Variants in RRM2 observed in about 807,000 individuals in gnomAD.
RRM2 encodes ribonucleotide reductase regulatory subunit M2.
A neutral mutation model predicts 45.9 loss-of-function variants in RRM2; 6 were observed. The ratio of observed to expected loss-of-function variants is 0.13; its 90% confidence interval spans 0.07 to 0.26. The LOEUF (loss-of-function observed/expected upper bound fraction) is 0.26, where lower values mean the gene tolerates loss of function less well. RRM2 is among the 10% of genes least tolerant of loss of function. The pLI, the probability that RRM2 is intolerant of heterozygous loss-of-function variation, is 1.00. For missense variants in RRM2, 343 were observed against 489.5 expected (o/e 0.70, Z 2.82); for synonymous variants, 177 against 173.0 (o/e 1.02, Z -0.18).
chr2:10,154,884 C>T (rs1663394669), intron 3 of RRM2, among the ~76,000 whole-genome samples: 2 of 151,870 alleles, frequency 1.3e-5, no homozygotes, highest in South Asian at 4.2e-4. Context: ...TTAGTAGAGA[C>T]GTGGTTTCTC....
intron 3 of RRM2, among the ~76,000 whole-genome samples, chr2:10,147,801 T>G (rs1663220638): frequency 6.6e-6 from 1 of 152,210 alleles, no homozygotes; most frequent in African/African-American, 2.4e-5. Context: ...TATACCTCTA[T>G]GCTATCTTTT....
intron 3 of RRM2, among the ~76,000 whole-genome samples, chr2:10,145,259 G>A (rs1663164995): frequency 1.3e-5 from 2 of 152,116 alleles, no homozygotes; most frequent in African/African-American, 2.4e-5. Flanking sequence ...GTGCTGAGGG[G>A]TCTGAAGTCC....
In RRM2 at chr2:10,195,889, C is replaced by G. The variant is rs1664404827; in HGVS notation, n.483-14422C>G. Among the ~76,000 whole-genome samples, 1 of 152,190 alleles carries G rather than the reference C, an allele frequency of 6.6e-6. No individual in the cohort carries two copies. Among genetic ancestry groups the G allele is most frequent in the Non-Finnish European group, 1.5e-5 (1 of 68,034 alleles). ...TTCCTGCTTGGACAAGACAGAGACT[C>G]ACACGAGGAAATTCCTTTTGTTCCT... On this transcript the variant is annotated intron_variant and non_coding_transcript_variant, in intron 3 of 3. Coordinates refer to the RRM2 transcript ENST00000381786. This position sits in a 1 kb window ranked among gnomAD's most constrained non-coding sequence, Gnocchi z 4.9.
At position 10,127,960 on chromosome 2, in the gene RRM2, A is replaced by G. The variant is rs779641252; in HGVS notation, c.798+740A>G. On this transcript the variant is annotated intron_variant, in intron 7 of 9. Transcript: ENST00000304567. The surrounding 1 kb of genome is among the most constrained non-coding windows in gnomAD (Gnocchi z 4.1). ...GGCGGGTGGATCATGAGGTCAGGAGATTGAGACCATCCTGGCTAACACGGT... is the reference window on the plus strand; with the variant it reads ...GGCGGGTGGATCATGAGGTCAGGAGGTTGAGACCATCCTGGCTAACACGGT... Among the ~76,000 whole-genome samples, 3 of 151,644 alleles carry G rather than the reference A, an allele frequency of 2.0e-5. No homozygotes were observed. The highest frequency in any genetic ancestry group is 4.8e-5 in the African/African-American group (2 of 41,308).
intron 3 of RRM2, among the ~76,000 whole-genome samples, chr2:10,157,314 G>A (rs1046601438): frequency 6.6e-6 from 1 of 152,196 alleles, no homozygotes; most frequent in African/African-American, 2.4e-5. Context: ...ACAGGAGTCA[G>A]CCACTGCAAC....
intron 3 of RRM2, among the ~76,000 whole-genome samples, chr2:10,176,264 C>T (rs1663911590): frequency 6.6e-6 from 1 of 152,056 alleles, no homozygotes; most frequent in Non-Finnish European, 1.5e-5. Flanking sequence ...GGTAATTCTA[C>T]TTCTAATTTT....
chr2:10,199,291 G>C (rs984920909), intron 3 of RRM2: 18 of 136,466 alleles, frequency 1.3e-4, no homozygotes, highest in South Asian at 2.7e-4. Flanking sequence ...AAAAAAAAGG[G>C]GGGGGGGAAG....
chr2:10,158,353 G>A (rs934700040), intron 3 of RRM2, among the ~76,000 whole-genome samples: 1 of 152,174 alleles, frequency 6.6e-6, no homozygotes, highest in East Asian at 1.9e-4. Context: ...CATGTAGCCT[G>A]TAAGTGGCCT....
chr2:10,129,479 A>G lies in RRM2; in HGVS notation c.*93A>G, dbSNP rs1179201192. On this transcript the variant is annotated 3_prime_UTR_variant, in exon 10 of 10. Transcript: ENST00000304567. The surrounding 1 kb of genome is among the most constrained non-coding windows in gnomAD (Gnocchi z 4.8). The stretch of plus-strand genomic sequence containing the variant: ...GTGTTACCAACTAGCCACACCATGA[A>G]TTGTCCGTAATGTTCATTAACAGCA... 6 of 1,264,482 alleles carry G rather than the reference A, an allele frequency of 4.7e-6. No homozygotes were observed. Among genetic ancestry groups the G allele is most frequent in the Non-Finnish European group, 6.7e-6 (6 of 901,478 alleles). 78.3% of individuals were successfully genotyped at this position (1,264,482 alleles called of 1,614,324 possible).
intron 3 of RRM2, among the ~76,000 whole-genome samples, chr2:10,150,265 G>T (rs2125314785): frequency 6.6e-6 from 1 of 152,234 alleles, no homozygotes. Flanking sequence ...GGCTAACACG[G>T]TGAAACCCCA....
rs1044599335 is a variant in RRM2 at position 10,129,754 on chromosome 2, A to T, written c.*368A>T. ...CGCAGATTTTAATGTTTACTTAAATATAAACCTGGCACTTTACAAACAAAT... is the reference window on the plus strand; with the variant it reads ...CGCAGATTTTAATGTTTACTTAAATTTAAACCTGGCACTTTACAAACAAAT... On this transcript the variant is annotated 3_prime_UTR_variant, in exon 10 of 10. Transcript: ENST00000304567. The surrounding 1 kb of genome is among the most constrained non-coding windows in gnomAD (Gnocchi z 4.8). The T allele has an allele frequency of 1.2e-4, 23 of 184,932 alleles. No individual in the cohort carries two copies. Among genetic ancestry groups the T allele is most frequent in the Admixed American group, 5.3e-4 (9 of 17,092 alleles). 11.5% of individuals were successfully genotyped at this position (184,932 alleles called of 1,614,324 possible).
In RRM2 at chr2:10,126,162, TAAAAAAAAAAAAAA is replaced by T. The variant is rs532815964; in HGVS notation, c.570-696_570-683del. ...CAACAGAGTGAGACCCTCATCTCTT[TAAAAAAAAAAAAAA>T]AAAAAAAAAAAAAAAAGCTGCCCAA... On this transcript the variant is annotated intron_variant, in intron 5 of 9. Coordinates refer to ENST00000304567, the MANE Select transcript of RRM2 (RefSeq NM_001034.4). Among the ~76,000 whole-genome samples the T allele has an allele frequency of 7.9e-3, 705 of 89,372 alleles. 20 individuals carry two copies. Among genetic ancestry groups the T allele is most frequent in the African/African-American group, 0.025 (495 of 19,438 alleles). 58.6% of individuals were successfully genotyped at this position (89,372 alleles called of 152,430 possible).
At chr2:10,181,758 T>C (rs886848339) in intron 3 of RRM2, among the ~76,000 whole-genome samples, 57 of 38,978 alleles carry the variant, frequency 1.5e-3, no homozygotes, top group African/African-American at 4.3e-3. Flanking sequence ...CTCTCTCTTT[T>C]TTTTTTTTTT....
intron 3 of RRM2, among the ~76,000 whole-genome samples, chr2:10,168,596 G>A (rs1336540832): frequency 6.6e-6 from 1 of 152,168 alleles, no homozygotes; most frequent in Non-Finnish European, 1.5e-5. Flanking sequence ...TACCAACTCT[G>A]GGGGTTGGGG....
At chr2:10,190,236 ATGG>A (rs199780611) in intron 3 of RRM2, among the ~76,000 whole-genome samples, 2 of 140,522 alleles carry the variant, frequency 1.4e-5, no homozygotes, top group African/African-American at 2.7e-5. Flanking sequence ...GATGGTGATG[ATGG>A]TGGTGATGGT....
In RRM2 at chr2:10,127,277, T is replaced by C. The variant is rs1662799432; in HGVS notation, c.798+57T>C. 2 of 1,572,642 alleles carry C rather than the reference T, an allele frequency of 1.3e-6. No homozygotes were observed. Among genetic ancestry groups the C allele is most frequent in the Admixed American group, 3.4e-5 (2 of 58,444 alleles). On this transcript the variant is annotated intron_variant, in intron 7 of 9. Transcript: ENST00000304567. The surrounding 1 kb of genome is among the most constrained non-coding windows in gnomAD (Gnocchi z 4.1). ...AACCCCAAACACAACTCGGGCATGCTCTTGTGTTCACTGACGGGGACCTGA... is the reference window on the plus strand; with the variant it reads ...AACCCCAAACACAACTCGGGCATGCCCTTGTGTTCACTGACGGGGACCTGA...
At chr2:10,196,508 G>A (rs1438212770) in intron 3 of RRM2, among the ~76,000 whole-genome samples, 1 of 152,170 alleles carries the variant, frequency 6.6e-6, no homozygotes, top group Non-Finnish European at 1.5e-5. Context: ...ACTGTGCCCA[G>A]GAGGTCAGTC....
rs946324966 is a variant in RRM2 at position 10,171,080 on chromosome 2, G to A, written n.482+28705G>A. On this transcript the variant is annotated intron_variant and non_coding_transcript_variant, in intron 3 of 3. Transcript: ENST00000381786. This position sits in a 1 kb window ranked among gnomAD's most constrained non-coding sequence, Gnocchi z 4.1. ...ACTGAGCAGACCCAGCACAGGCTGCGCCACTCATCATTATAGGCTGCGCCA... is the reference window on the plus strand; with the variant it reads ...ACTGAGCAGACCCAGCACAGGCTGCACCACTCATCATTATAGGCTGCGCCA... Among the ~76,000 whole-genome samples the A allele has an allele frequency of 3.3e-5, 5 of 152,114 alleles. No homozygotes were observed. The highest frequency in any genetic ancestry group is 1.9e-4 in the East Asian group (1 of 5,178).
intron 3 of RRM2, among the ~76,000 whole-genome samples, chr2:10,154,428 G>A (rs191352428): frequency 3.0e-5 from 4 of 131,534 alleles, no homozygotes; most frequent in South Asian, 2.9e-4. Flanking sequence ...GGGGGTGGGC[G>A]CACAGAGGTT....
Sources: gnomAD v4.1 joint callset for allele counts (sites outside exome capture counted in the v4.1 genomes callset) on GRCh38, gnomAD v4.1.1 for gene constraint, Gnocchi (gnomAD v3.1) non-coding constraint, MANE v1.5 for transcripts, NCBI Gene and HGNC (gene_info 2026-07-23, HGNC 2026-07-21) for gene names.